The following BARX2 variants were observed in gnomAD, a reference collection of about 807,000 sequenced individuals.
BARX2 encodes the protein BARX homeobox 2, also known as homeobox protein BarH-like 2.
Under a neutral mutation model 25.5 loss-of-function variants are expected in BARX2, and 11 were observed. That is an observed-to-expected ratio of 0.43 (90% CI 0.27 to 0.71). The LOEUF (loss-of-function observed/expected upper bound fraction) is 0.71. BARX2 is among the 30% of genes least tolerant of loss of function. The pLI is 0.19. For missense variants in BARX2, 360 were observed against 359.9 expected (o/e 1.00, Z 0.00); for synonymous variants, 137 against 149.5 (o/e 0.92, Z 0.61).
chr11:129,395,762 A>G (rs147519181), intron 1 of BARX2, among the ~76,000 whole-genome samples: 4 of 152,274 alleles, frequency 2.6e-5, no homozygotes, highest in Non-Finnish European at 5.9e-5. Context: ...GTTTCAGGAA[A>G]GTAATAGGAA....
In BARX2 at chr11:129,375,953, C is replaced by G. The variant is rs567517303; in HGVS notation, c.-83C>G. ...GCTGCCGGGAGCGGGGCCCAGGCCC[C>G]GCCGTCGCGCCAGCCCCGCGGCCCC... On this transcript the variant is annotated 5_prime_UTR_variant, in exon 1 of 4. Transcript: ENST00000281437. The surrounding 1 kb of genome is among the most constrained non-coding windows in gnomAD (Gnocchi z 4.0). 61 of 858,716 alleles carry G rather than the reference C, an allele frequency of 7.1e-5. 3 individuals carry two copies. The South Asian group carries it at 2.9e-3, about 41-fold the overall frequency. The allele number at this position is 858,716 out of a possible 1,614,324, so 53.2% of individuals were successfully genotyped here. A position where few individuals can be genotyped will look rare whatever the true frequency, so the allele number is the denominator to read the frequency against.
intron 3 of BARX2, 33 bp downstream of exon 3, chr11:129,442,952 C>T (rs1862280982): frequency 8.3e-6 from 13 of 1,573,192 alleles, no homozygotes; most frequent in South Asian, 2.2e-5. Context: ...TGATCCCTTC[C>T]TGATGGGAAG....
chr11:129,450,627 T>C (rs374959050), intron 3 of BARX2, among the ~76,000 whole-genome samples: 2 of 152,212 alleles, frequency 1.3e-5, no homozygotes, highest in South Asian at 2.1e-4. Context: ...TTTTTGCAGA[T>C]CAATCTTTGT....
At position 129,439,508 on chromosome 11, in the gene BARX2, G is replaced by GA. The variant is rs1367556242; in HGVS notation, c.488+2458dup. Among the ~76,000 whole-genome samples the GA allele has an allele frequency of 3.3e-5, 5 of 152,154 alleles. No individual in the cohort carries two copies. In the East Asian group the frequency reaches 9.6e-4, roughly 29 times the overall value. On this transcript the variant is annotated intron_variant, in intron 2 of 3. Transcript: ENST00000281437. ...TGTGTGAGAAGAGGACAATCTTGAA[G>GA]AGAGAATTGGCAGAATCAACATTGC...
At chr11:129,437,413 T>C in intron 2 of BARX2, 1 of 1,003,686 alleles carries the variant, frequency 1.0e-6, no homozygotes, top group Non-Finnish European at 1.2e-6. Context: ...GCAGCAGGAC[T>C]AGATTTGGAA....
rs1862394114 is a variant in BARX2, at chr11:129,451,163, A to G, written c.601A>G (p.Thr201Ala). The G allele has an allele frequency of 6.2e-7, 1 of 1,614,122 alleles. No homozygotes were observed. Among genetic ancestry groups the G allele is most frequent in the Non-Finnish European group, 8.5e-7 (1 of 1,179,998 alleles). Residue 201 changes from threonine to alanine, a missense_variant, in exon 4 of 4, where the codon ACA becomes GCA. Coordinates refer to ENST00000281437, the MANE Select transcript of BARX2 (RefSeq NM_003658.5). ...MVLKGGQEAP[T>A]KPKGRPKKNS... is the part of the protein sequence containing the mutation. Reference sequence around the variant, plus strand: ...TCTTAAAGGTGGACAGGAAGCACCCACAAAACCCAAAGGTCGCCCCAAGAA... The same window carrying G: ...TCTTAAAGGTGGACAGGAAGCACCCGCAAAACCCAAAGGTCGCCCCAAGAA...
At chr11:129,443,450 G>T (rs75139454) in intron 3 of BARX2, among the ~76,000 whole-genome samples, 2,718 of 152,086 alleles carry the variant, frequency 0.018, 50 homozygotes, top group Non-Finnish European at 0.023. Flanking sequence ...GTCCTCTAAC[G>T]CAGTGATCCT....
intron 1 of BARX2, among the ~76,000 whole-genome samples, chr11:129,422,117 T>C (rs1862011421): frequency 6.6e-6 from 1 of 152,036 alleles, no homozygotes; most frequent in African/African-American, 2.4e-5. Context: ...TGGCTTCAAA[T>C]GATCTCCTGC....
chr11:129,405,304 G>A (rs1861818938), intron 1 of BARX2, among the ~76,000 whole-genome samples: 1 of 152,134 alleles, frequency 6.6e-6, no homozygotes. Flanking sequence ...GATAGAGTTT[G>A]CAAGTCTGAA....
chr11:129,417,167 C>T (rs1861953525), intron 1 of BARX2, among the ~76,000 whole-genome samples: 1 of 152,160 alleles, frequency 6.6e-6, no homozygotes, highest in Non-Finnish European at 1.5e-5. Flanking sequence ...TCCCAAAGTG[C>T]TGGGACTACA....
At chr11:129,449,645 A>C (rs1012085265) in intron 3 of BARX2, among the ~76,000 whole-genome samples, 6 of 152,208 alleles carry the variant, frequency 3.9e-5, no homozygotes, top group African/African-American at 1.4e-4. Context: ...TGGGATAATA[A>C]GGGTGCCAGG....
At chr11:129,447,726 G>A (rs556908268) in intron 3 of BARX2, among the ~76,000 whole-genome samples, 3 of 152,192 alleles carry the variant, frequency 2.0e-5, no homozygotes, top group Non-Finnish European at 4.4e-5. Flanking sequence ...CGTCCAAACC[G>A]TGTGGGTGGT....
chr11:129,407,184 T>A (rs1402716968), intron 1 of BARX2, among the ~76,000 whole-genome samples: 2 of 152,234 alleles, frequency 1.3e-5, no homozygotes, highest in Non-Finnish European at 2.9e-5. Flanking sequence ...TCTCAGTCTC[T>A]GCTTGAATAC....
intron 1 of BARX2, among the ~76,000 whole-genome samples, chr11:129,425,798 T>G (rs1862055879): frequency 6.6e-6 from 1 of 152,168 alleles, no homozygotes; most frequent in Non-Finnish European, 1.5e-5. Context: ...TTCCAAACTT[T>G]CTTCATTTTT....
intron 1 of BARX2, among the ~76,000 whole-genome samples, chr11:129,385,661 TC>T (rs1861610546): frequency 6.6e-6 from 1 of 152,170 alleles, no homozygotes; most frequent in African/African-American, 2.4e-5. Flanking sequence ...GTTTTTATTT[TC>T]CTATGTAATT....
Position 129,391,612 on chromosome 11 carries a change from C to T in BARX2, c.187+15390C>T, listed in dbSNP as rs574402284. On this transcript the variant is annotated intron_variant, in intron 1 of 3. Transcript: ENST00000281437. ...AGGGTTCTGTTGTCATCCTGTGACA[C>T]GAGAAAGACCCGACAGTGGGAGTTT... Among the ~76,000 whole-genome samples the T allele has an allele frequency of 3.3e-5, 5 of 152,242 alleles. No individual in the cohort carries two copies. The East Asian group carries it at 7.7e-4, about 23-fold the overall frequency.
At chr11:129,446,499 C>T (rs527268459) in intron 3 of BARX2, among the ~76,000 whole-genome samples, 4 of 152,174 alleles carry the variant, frequency 2.6e-5, no homozygotes, top group East Asian at 3.9e-4. Context: ...CTGTAAAACA[C>T]GTAAATAGGA....
chr11:129,426,268 TG>T (rs1445869536), intron 1 of BARX2, among the ~76,000 whole-genome samples: 1 of 152,166 alleles, frequency 6.6e-6, no homozygotes, highest in African/African-American at 2.4e-5. Context: ...GACACGGTCA[TG>T]GAACTTTCAC....
At chr11:129,441,205 C>A (rs1862253139) in intron 2 of BARX2, among the ~76,000 whole-genome samples, 1 of 152,110 alleles carries the variant, frequency 6.6e-6, no homozygotes, top group African/African-American at 2.4e-5. Flanking sequence ...CCTGCGATCC[C>A]CTTTGACAGG....
Sources: allele counts gnomAD v4.1 joint callset (sites outside exome capture counted in the v4.1 genomes callset), GRCh38; gene constraint gnomAD v4.1.1; non-coding constraint Gnocchi (gnomAD v3.1); transcripts MANE v1.5; gene names NCBI Gene and HGNC (gene_info 2026-07-23, HGNC 2026-07-21).